Variants in PCDH15 observed in about 807,000 individuals in gnomAD.
The protein encoded by PCDH15 is protocadherin-15.
In PCDH15, 129 loss-of-function variants were observed where a neutral mutation model predicts 178.5. The observed-to-expected ratio is 0.72, with a 90% CI of 0.63 to 0.84. The LOEUF (loss-of-function observed/expected upper bound fraction) is 0.84, where lower values mean the gene tolerates loss of function less well. PCDH15 is among the 40% of genes least tolerant of loss of function. The pLI is 0.00. For missense variants in PCDH15, 2,230 were observed against 2,099.9 expected (o/e 1.06, Z -1.21); for synonymous variants, 800 against 732.0 (o/e 1.09, Z -1.50).
intron 1 of PCDH15, among the ~76,000 whole-genome samples, chr10:54,800,553 A>G (rs1267823311): frequency 6.6e-6 from 1 of 152,190 alleles, no homozygotes; most frequent in Non-Finnish European, 1.5e-5. Flanking sequence ...CAAAAAGTCA[A>G]TTCTGATGCC....
chr10:54,892,036 AG>A (rs1437867715), intron 3 of PCDH15, among the ~76,000 whole-genome samples: 7 of 152,122 alleles, frequency 4.6e-5, no homozygotes, highest in Non-Finnish European at 7.4e-5. Flanking sequence ...GGACTTTCTG[AG>A]TTATACAATA....
At chr10:55,299,313 G>A (rs1248823973) in intron 1 of PCDH15, among the ~76,000 whole-genome samples, 3 of 152,102 alleles carry the variant, frequency 2.0e-5, no homozygotes, top group Non-Finnish European at 2.9e-5. Flanking sequence ...AATGCAATGT[G>A]TTGTGGCTTT....
At chr10:55,085,032 G>T (rs112219024) in intron 2 of PCDH15, among the ~76,000 whole-genome samples, 27 of 151,940 alleles carry the variant, frequency 1.8e-4, no homozygotes, top group African/African-American at 5.8e-4. Flanking sequence ...CCTCAGAAAA[G>T]TGAAAATAGA....
At chr10:55,452,675 A>G (rs1311872282) in intron 2 of PCDH15, among the ~76,000 whole-genome samples, 2 of 152,182 alleles carry the variant, frequency 1.3e-5, no homozygotes, top group Non-Finnish European at 2.9e-5. Context: ...AGACAAAAAT[A>G]CTGAACTAAA....
intron 9 of PCDH15, among the ~76,000 whole-genome samples, chr10:54,214,515 T>C (rs1040510164): frequency 1.3e-5 from 2 of 152,260 alleles, no homozygotes; most frequent in Non-Finnish European, 2.9e-5. Flanking sequence ...TTAAGATTAA[T>C]ATCAAGCTAA....
intron 26 of PCDH15, 86 bp downstream of exon 26, chr10:53,903,157 C>A: frequency 6.9e-7 from 1 of 1,457,376 alleles, no homozygotes; most frequent in Non-Finnish European, 9.5e-7. Context: ...CATAAGTATG[C>A]AGTTAATGCA....
At chr10:53,850,637 A>C (rs1261723905) in intron 28 of PCDH15, among the ~76,000 whole-genome samples, 1 of 152,012 alleles carries the variant, frequency 6.6e-6, no homozygotes, top group Non-Finnish European at 1.5e-5. Flanking sequence ...TCTGGTTTGT[A>C]TTTTATTTTT....
intron 3 of PCDH15, among the ~76,000 whole-genome samples, chr10:54,509,715 A>C (rs12571176): frequency 0.096 from 14,659 of 152,056 alleles, 1,036 homozygotes; most frequent in East Asian, 0.36. Flanking sequence ...CCTCTGCCTC[A>C]ACTTCTTTAC....
intron 18 of PCDH15, among the ~76,000 whole-genome samples, chr10:54,024,233 A>T: frequency 6.6e-6 from 1 of 152,288 alleles, no homozygotes; most frequent in South Asian, 2.1e-4. Context: ...ACTATCAGCT[A>T]CTGTATATTT....
chr10:55,300,861 C>A (rs557549316), intron 1 of PCDH15, among the ~76,000 whole-genome samples: 3 of 152,260 alleles, frequency 2.0e-5, no homozygotes, highest in Non-Finnish European at 4.4e-5. Flanking sequence ...ACATATTGCA[C>A]AATTTTAGAA....
At chr10:55,329,802 G>T (rs1844147789) in intron 2 of PCDH15, among the ~76,000 whole-genome samples, 1 of 151,692 alleles carries the variant, frequency 6.6e-6, no homozygotes, top group South Asian at 2.1e-4. Flanking sequence ...AGTTTTAGCT[G>T]AAATGAGTCC....
chr10:53,878,228 A>ATG (rs1237899622), intron 26 of PCDH15, among the ~76,000 whole-genome samples: 22 of 23,380 alleles, frequency 9.4e-4, no homozygotes, highest in African/African-American at 1.5e-3. Flanking sequence ...ATATATATAT[A>ATG]TATATATATA....
chr10:55,192,305 C>T (rs1490144722), intron 1 of PCDH15, among the ~76,000 whole-genome samples: 1 of 151,598 alleles, frequency 6.6e-6, no homozygotes, highest in South Asian at 2.1e-4. Context: ...TGTTATGAGA[C>T]TATTTATAAA....
chr10:55,037,435 T>C (rs1429805404), intron 2 of PCDH15, among the ~76,000 whole-genome samples: 1 of 152,128 alleles, frequency 6.6e-6, no homozygotes, highest in African/African-American at 2.4e-5. Context: ...GGTTTCACCA[T>C]GTTGGCCAGG....
rs137906600 is a variant in PCDH15, at chr10:55,101,358, C to T, written c.-80+65218G>A. On this transcript the variant is annotated intron_variant, in intron 2 of 5. Transcript: ENST00000458638. ...GAGCTGAGATTGTGCCACTGCACTC[C>T]AGCCTGGGTGACAGAGCAAGATTCC... Among the ~76,000 whole-genome samples the T allele has an allele frequency of 1.6e-3, 235 of 151,554 alleles. 1 individual carries two copies. In the Middle Eastern group the frequency reaches 0.024, roughly 15 times the overall value.
At chr10:55,360,652 A>C (rs1311329060) in intron 2 of PCDH15, among the ~76,000 whole-genome samples, 1 of 151,658 alleles carries the variant, frequency 6.6e-6, no homozygotes, top group Non-Finnish European at 1.5e-5. Flanking sequence ...TTAAAACTAC[A>C]ATAGGATATC....
intron 2 of PCDH15, among the ~76,000 whole-genome samples, chr10:55,605,017 C>A (rs1474107462): frequency 3.3e-5 from 5 of 151,982 alleles, no homozygotes; most frequent in South Asian, 2.1e-4. Flanking sequence ...ATAAAGAAAA[C>A]AAGAGAGAAG....
intron 3 of PCDH15, among the ~76,000 whole-genome samples, chr10:54,807,009 C>T (rs1344987944): frequency 6.6e-6 from 1 of 152,152 alleles, no homozygotes; most frequent in Non-Finnish European, 1.5e-5. Context: ...TTGCCTTAGT[C>T]TATTGGTTAT....
At chr10:55,249,949 T>C (rs1015674913) in intron 1 of PCDH15, among the ~76,000 whole-genome samples, 3 of 152,020 alleles carry the variant, frequency 2.0e-5, no homozygotes, top group Admixed American at 6.6e-5. Flanking sequence ...AATATTTTGG[T>C]CATGATCTCT....
Sources: allele counts gnomAD v4.1 joint callset (sites outside exome capture counted in the v4.1 genomes callset), GRCh38; gene constraint gnomAD v4.1.1; transcripts MANE v1.5; gene names NCBI Gene and HGNC (gene_info 2026-07-23, HGNC 2026-07-21).